The following AFF4 variants were observed in gnomAD, a reference collection of about 807,000 sequenced individuals.
The protein encoded by AFF4 is ALF transcription elongation factor 4, also known as AF4/FMR2 family member 4.
A neutral mutation model predicts 124.8 loss-of-function variants in AFF4; 13 were observed. The ratio of observed to expected loss-of-function variants is 0.10; its 90% CI spans 0.07 to 0.17. The LOEUF (loss-of-function observed/expected upper bound fraction) is 0.17. Ranked by LOEUF, AFF4 falls within the 10% of genes least tolerant of loss-of-function variation. The pLI is 1.00. For synonymous variants in AFF4, 477 were observed against 496.1 expected (o/e 0.96, Z 0.51); for missense variants, 1,092 against 1,403.8 (o/e 0.78, Z 3.55).
Position 132,892,235 on chromosome 5 carries a change from T to C in AFF4, c.2566A>G (p.Lys856Glu). Residue 856 changes from lysine to glutamate, a missense_variant, in exon 13 of 21, where the codon AAA (lysine) becomes GAA (glutamate). Coordinates refer to ENST00000265343, the MANE Select transcript of AFF4 (RefSeq NM_014423.4). ...TGCTTTGATGTGGAGGAACTGTTTT[T>C]GCTGCTGCCACTCGTCTCCTTGTTG... is the stretch of plus-strand genomic sequence containing the variant. ...NSNKETSGSSKNSSSTSKQKK... is the reference protein window; with the variant it reads ...NSNKETSGSSENSSSTSKQKK... 1 of 1,614,140 alleles carries C rather than the reference T, an allele frequency of 6.2e-7. No homozygotes were observed. The highest frequency in any genetic ancestry group is 8.5e-7 in the Non-Finnish European group (1 of 1,180,032).
intron 4 of AFF4, among the ~76,000 whole-genome samples, chr5:132,931,502 C>A (rs933006875): frequency 1.3e-5 from 2 of 152,114 alleles, no homozygotes; most frequent in Non-Finnish European, 2.9e-5. Flanking sequence ...CAAGATGAAC[C>A]AAAGCAAGGT....
At chr5:132,952,355 T>C (rs911963336) in intron 1 of AFF4, among the ~76,000 whole-genome samples, 4 of 152,248 alleles carry the variant, frequency 2.6e-5, no homozygotes, top group African/African-American at 7.2e-5. Context: ...GCAACTTCCA[T>C]ATTGCTAAAT....
At chr5:132,958,388 C>A (rs190931891) in intron 1 of AFF4, among the ~76,000 whole-genome samples, 7 of 147,968 alleles carry the variant, frequency 4.7e-5, no homozygotes, top group Non-Finnish European at 8.9e-5. Flanking sequence ...ATTGCTTGAG[C>A]CTGGGAAGCA....
chr5:132,888,900 G>C (rs1760185599), intron 14 of AFF4, among the ~76,000 whole-genome samples, 179 bp downstream of exon 14: 1 of 152,126 alleles, frequency 6.6e-6, no homozygotes, highest in Non-Finnish European at 1.5e-5. Context: ...GTTTCTCCAT[G>C]TTGGTCAGGC....
chr5:132,934,019 T>G, intron 3 of AFF4, 128 bp downstream of exon 3: 1 of 1,104,440 alleles, frequency 9.1e-7, no homozygotes. Context: ...TACATTTTTT[T>G]CATCTTTCAA....
intron 1 of AFF4, among the ~76,000 whole-genome samples, chr5:132,957,043 A>AC (rs1761979627): frequency 1.4e-5 from 2 of 145,550 alleles, no homozygotes; most frequent in Non-Finnish European, 1.5e-5. Flanking sequence ...AAAAAAAAAA[A>AC]AAAAAACAGA....
rs376731352 is a variant in AFF4, at chr5:132,951,161, T to C, written c.-5+12098A>G. ...AATCGCTTGAACCAGGAGGCAGAGG[T>C]TGCAGCGAGCAGAGATCGCCACACT... On this transcript the variant is annotated intron_variant, in intron 1 of 20. Transcript: ENST00000265343. 8.6e-5 allele frequency among the ~76,000 whole-genome samples: 13 copies of C among 151,752 alleles called. No homozygotes were observed. The East Asian group carries it at 9.7e-4, about 11-fold the overall frequency.
At chr5:132,932,029 T>A (rs1454239805) in intron 4 of AFF4, 149 bp downstream of exon 4, 4 of 483,064 alleles carry the variant, frequency 8.3e-6, no homozygotes, top group African/African-American at 6.1e-5. Flanking sequence ...AAGAAGAGAG[T>A]AAATTATTTA....
chr5:132,954,302 G>T (rs955459589), intron 1 of AFF4, among the ~76,000 whole-genome samples: 3 of 152,196 alleles, frequency 2.0e-5, no homozygotes, highest in Non-Finnish European at 4.4e-5. Context: ...TTCACAACAG[G>T]GTTCGAGCTC....
At chr5:132,934,114 C>G (rs377511155) in intron 3 of AFF4, 33 bp downstream of exon 3, 496 of 1,578,732 alleles carry the variant, frequency 3.1e-4, no homozygotes, top group Non-Finnish European at 4.1e-4. Context: ...TTCACGTAGT[C>G]ACAATGTTAA....
chr5:132,905,047 T>A (rs139668951), intron 5 of AFF4, among the ~76,000 whole-genome samples: 28,786 of 86,476 alleles, frequency 0.33, 3,165 homozygotes, highest in Middle Eastern at 0.42. Flanking sequence ...AGACTCCATC[T>A]CAAAAAAAAA....
chr5:132,946,750 G>A (rs1761705857), intron 1 of AFF4, among the ~76,000 whole-genome samples: 1 of 152,140 alleles, frequency 6.6e-6, no homozygotes, highest in Admixed American at 6.5e-5. Context: ...TAATGCCACT[G>A]AATTGTATAT....
At position 132,932,302 on chromosome 5, in the gene AFF4, A is replaced by ATAAT. The variant is rs1383265758; in HGVS notation, c.919-81_919-80insATTA. 3.4e-5 allele frequency: 42 copies of ATAAT among 1,222,302 alleles called. No individual in the cohort carries two copies. In the Middle Eastern group the frequency reaches 5.2e-3, roughly 151 times the overall value. 75.7% of individuals were successfully genotyped at this position (1,222,302 alleles called of 1,614,324 possible). On this transcript the variant is annotated intron_variant, in intron 3 of 20. Transcript: ENST00000265343. ...GCTTCACAGATTTAAAAACATTATT[A>ATAAT]AAAGTATTTATGACCCCACTACTCT...
intron 1 of AFF4, among the ~76,000 whole-genome samples, chr5:132,955,299 C>G (rs1349817619): frequency 1.3e-5 from 2 of 151,918 alleles, no homozygotes; most frequent in Non-Finnish European, 2.9e-5. Flanking sequence ...GGCAGGAAAA[C>G]AGGGATGTGA....
Position 132,963,557 on chromosome 5 carries a change from C to G in AFF4, c.-303G>C. On this transcript the variant is annotated 5_prime_UTR_variant, in exon 1 of 21. Coordinates refer to ENST00000265343, the MANE Select transcript of AFF4 (RefSeq NM_014423.4). ...GGCGGCGGGGGCGGGTTAACGAAGA[C>G]CTGGCACCAGGATCCCCGCCCCGTC... 2 of 398,140 alleles carry G rather than the reference C, an allele frequency of 5.0e-6. No homozygotes were observed. Among genetic ancestry groups the G allele is most frequent in the Non-Finnish European group, 8.9e-6 (2 of 225,784 alleles). 24.7% of individuals were successfully genotyped at this position (398,140 alleles called of 1,614,324 possible). A position where few individuals can be genotyped will look rare whatever the true frequency, so the allele number is the denominator to read the frequency against.
intron 2 of AFF4, among the ~76,000 whole-genome samples, chr5:132,936,399 A>C (rs1033166376): frequency 1.3e-5 from 2 of 152,162 alleles, no homozygotes; most frequent in African/African-American, 4.8e-5. Flanking sequence ...AGAAACAAAA[A>C]TTTAATGAAA....
chr5:132,880,283 A>G lies in AFF4; in HGVS notation c.*776T>C, dbSNP rs1165512587. 2.5e-6 allele frequency: 1 copy of G among 398,908 alleles called. No individual in the cohort carries two copies. The allele number at this position is 398,908 out of a possible 1,614,324, so 24.7% of individuals were successfully genotyped here. ...TCAACATGAAATGCTTCTTCTAGAAAGTTTGTCCTCCCTCTTTTGTAATGC... is the reference window on the plus strand; with the variant it reads ...TCAACATGAAATGCTTCTTCTAGAAGGTTTGTCCTCCCTCTTTTGTAATGC... On this transcript the variant is annotated 3_prime_UTR_variant, in exon 21 of 21. Transcript: ENST00000265343.
intron 1 of AFF4, among the ~76,000 whole-genome samples, chr5:132,959,757 C>CTTTTTT (rs1163731664): frequency 0.016 from 1,161 of 71,402 alleles, 14 homozygotes; most frequent in East Asian, 0.059. Flanking sequence ...GAGTGCTTTT[C>CTTTTTT]TTTTTTTTTT....
intron 1 of AFF4, among the ~76,000 whole-genome samples, chr5:132,961,420 T>C (rs1762079956): frequency 6.6e-6 from 1 of 152,100 alleles, no homozygotes; most frequent in Non-Finnish European, 1.5e-5. Flanking sequence ...TTTCATTATG[T>C]TGGCCAGGAT....
Sources: gnomAD v4.1 joint callset for allele counts (sites outside exome capture counted in the v4.1 genomes callset) on GRCh38, gnomAD v4.1.1 for gene constraint, MANE v1.5 for transcripts, NCBI Gene and HGNC (gene_info 2026-07-23, HGNC 2026-07-21) for gene names.